Variants in TRPM4 observed in about 807,000 individuals in gnomAD.
TRPM4 encodes calcium-activated non-selective cation channel 1.
Under a neutral mutation model 135.6 loss-of-function variants are expected in TRPM4, and 124 were observed. The ratio of observed to expected loss-of-function variants is 0.91; its 90% confidence interval spans 0.79 to 1.06. TRPM4 has a LOEUF of 1.06. Among genes scored for constraint, TRPM4 ranks in the 50% least tolerant of loss-of-function variants. The pLI is 0.00. For missense variants in TRPM4, 1,658 were observed against 1,671.4 expected, an observed-to-expected ratio of 0.99 and a Z score of 0.14; for synonymous variants, 745 against 705.6, an observed-to-expected ratio of 1.06 and a Z score of -0.88.
chr19:49,199,348 T>C (rs1968826987), intron 17 of TRPM4, among the ~76,000 whole-genome samples: 1 of 152,064 alleles, frequency 6.6e-6, no homozygotes, highest in East Asian at 1.9e-4. Context: ...AACCTCCGCC[T>C]CCCGGGTTCA....
At chr19:49,182,290 A>G (rs1369720960) in intron 10 of TRPM4, among the ~76,000 whole-genome samples, 2 of 145,076 alleles carry the variant, frequency 1.4e-5, no homozygotes, top group Non-Finnish European at 3.0e-5. Flanking sequence ...CCATCTACCT[A>G]TCCGTTCATC....
intron 2 of TRPM4, among the ~76,000 whole-genome samples, chr19:49,161,885 C>T (rs1966981161): frequency 1.3e-5 from 2 of 152,196 alleles, no homozygotes; most frequent in Non-Finnish European, 2.9e-5. Flanking sequence ...CCACCTGGGC[C>T]TCCCAACGTG....
At position 49,210,703 on chromosome 19, in the gene TRPM4, C is replaced by G; in HGVS notation, c.3329-7C>G. 3 of 1,614,092 alleles carry G rather than the reference C, an allele frequency of 1.9e-6. No individual in the cohort carries two copies. Among genetic ancestry groups the G allele is most frequent in the Non-Finnish European group, 2.5e-6 (3 of 1,180,030 alleles). ...CCTGAGCCCTTTGACTCCGCCCGCC[C>G]CTGCAGGGGTTTACCTTTCTAAGGA... On this transcript the variant is annotated splice_polypyrimidine_tract_variant and splice_region_variant and intron_variant, in intron 21 of 24. Coordinates refer to ENST00000252826, the MANE Select transcript of TRPM4 (RefSeq NM_017636.4). This position sits in a 1 kb window ranked among gnomAD's most constrained non-coding sequence, Gnocchi z 4.1.
chr19:49,169,705 C>G (rs1451962244), intron 6 of TRPM4, among the ~76,000 whole-genome samples: 1 of 152,028 alleles, frequency 6.6e-6, no homozygotes, highest in Non-Finnish European at 1.5e-5. Context: ...ACGTGAGCCA[C>G]TGCACCTGGC....
chr19:49,198,657 A>G (rs1394381483), intron 17 of TRPM4, among the ~76,000 whole-genome samples: 1 of 151,844 alleles, frequency 6.6e-6, no homozygotes, highest in Non-Finnish European at 1.5e-5. Flanking sequence ...AAAAAAAAAA[A>G]AAAAAAAAAA....
chr19:49,166,738 C>G (rs529148598), intron 3 of TRPM4, among the ~76,000 whole-genome samples: 33 of 150,654 alleles, frequency 2.2e-4, no homozygotes, highest in Non-Finnish European at 4.1e-4. Context: ...CTGTCCCCGT[C>G]TCTCTGGGTC....
rs146564314 is a variant in TRPM4, at chr19:49,168,695, G to T, written c.755G>T (p.Arg252Leu). 1.2e-6 allele frequency: 2 copies of T among 1,608,492 alleles called. No homozygotes were observed. Among genetic ancestry groups the T allele is most frequent in the Non-Finnish European group, 1.7e-6 (2 of 1,178,050 alleles). The change falls in exon 6 of 25, where the codon CGC becomes CTC. Residue 252 changes from arginine to leucine, a missense_variant. Physicochemically the swap from Arg to Leu is moderately radical, Grantham distance 102. This residue lies in a region of TRPM4 where 1,412 missense variants were observed against 1,408.7 expected (regional missense o/e 1.00). Transcript: ENST00000252826. The part of the protein sequence containing the change: ...CLGGENRFRL[R>L]LESYISQQKT... ...GGGGGCGAGAACCGCTTCCGCTTGC[G>T]CCTGGAGTCCTACATCTCACAGCAG... is the stretch of plus-strand genomic sequence containing the variant.
chr19:49,202,881 C>CTTTTTTTTTT (rs752188238), intron 20 of TRPM4, among the ~76,000 whole-genome samples: 1 of 109,646 alleles, frequency 9.1e-6, no homozygotes, highest in East Asian at 2.6e-4. Context: ...ATTTTTACTT[C>CTTTTTTTTTT]TTTTTTTTTT....
At chr19:49,192,251 T>C (rs547832585) in intron 16 of TRPM4, among the ~76,000 whole-genome samples, 288 of 152,258 alleles carry the variant, frequency 1.9e-3, no homozygotes, top group African/African-American at 6.6e-3. Flanking sequence ...CAAGCGATTC[T>C]CCTGCCTCAG....
rs544387196 is a variant in TRPM4, at chr19:49,193,080, G to GGT, written c.2210+2307_2210+2308insGT. The stretch of plus-strand genomic sequence containing the variant: ...GCTCAATTCTTTTGAAAATCAGTTG[G>GGT]TTTTTTTTTTTTTTTTTTGAGATGG... On this transcript the variant is annotated intron_variant, in intron 16 of 24. Coordinates refer to ENST00000252826, the MANE Select transcript of TRPM4 (RefSeq NM_017636.4). Among the ~76,000 whole-genome samples the GGT allele has an allele frequency of 2.0e-3, 266 of 132,792 alleles. 2 individuals carry two copies. The highest frequency in any genetic ancestry group is 6.7e-3 in the African/African-American group (241 of 35,952). 87.1% of individuals were successfully genotyped at this position (132,792 alleles called of 152,430 possible).
chr19:49,204,723 TTTTA>T (rs1198644987), intron 20 of TRPM4, among the ~76,000 whole-genome samples: 1 of 151,580 alleles, frequency 6.6e-6, no homozygotes, highest in Non-Finnish European at 1.5e-5. Flanking sequence ...TTTACTTTTA[TTTTA>T]TTTATTTATT....
chr19:49,211,478 T>C lies in TRPM4; in HGVS notation c.3641-16T>C, dbSNP rs1969368830. ...CCCTGCCAATCACCTGCTCTCTCTT[T>C]TCTCTCTTCCCCCAGACTGAGCCCT... On this transcript the variant is annotated splice_polypyrimidine_tract_variant and intron_variant, in intron 24 of 24. Transcript: ENST00000252826. The surrounding 1 kb of genome is among the most constrained non-coding windows in gnomAD (Gnocchi z 4.8). The C allele has an allele frequency of 3.1e-6, 5 of 1,614,040 alleles. No individual in the cohort carries two copies. In the East Asian group the frequency reaches 8.9e-5, roughly 29 times the overall value.
intron 20 of TRPM4, among the ~76,000 whole-genome samples, chr19:49,205,144 C>T (rs1045802086): frequency 2.6e-5 from 4 of 151,904 alleles, no homozygotes; most frequent in Middle Eastern, 3.4e-3. Context: ...TTCCTAGGGC[C>T]GCCAGAGTAC....
chr19:49,196,171 A>T (rs1377929068), intron 16 of TRPM4, among the ~76,000 whole-genome samples: 1 of 151,482 alleles, frequency 6.6e-6, no homozygotes, highest in African/African-American at 2.4e-5. Flanking sequence ...GTATATTTTT[A>T]AAATATTTTT....
rs1968900598 is a variant in TRPM4 at position 49,200,792 on chromosome 19, G to A, written c.2953+7G>A. On this transcript the variant is annotated splice_region_variant and intron_variant, in intron 19 of 24. Transcript: ENST00000252826. ...CCCCAGGAGGACATGGACGGTAGGG[G>A]GGATGACGGCCTGACAGCCTTCCTC... 3 of 1,613,654 alleles carry A rather than the reference G, an allele frequency of 1.9e-6. No homozygotes were observed. Among genetic ancestry groups the A allele is most frequent in the Middle Eastern group, 3.4e-4 (2 of 5,946 alleles).
chr19:49,166,290 C>A (rs1487449453), intron 3 of TRPM4, 75 bp downstream of exon 3: 3 of 1,462,898 alleles, frequency 2.1e-6, no homozygotes, highest in Non-Finnish European at 2.8e-6. Context: ...GGAGCCGGGA[C>A]GCCCGCCCTG....
chr19:49,195,061 C>G (rs932554559), intron 16 of TRPM4, among the ~76,000 whole-genome samples: 2 of 151,592 alleles, frequency 1.3e-5, no homozygotes, highest in Non-Finnish European at 2.9e-5. Flanking sequence ...CACGCCCAGC[C>G]TCACTTTTTT....
intron 2 of TRPM4, among the ~76,000 whole-genome samples, chr19:49,161,058 G>T (rs1182722364): frequency 1.3e-5 from 2 of 152,028 alleles, no homozygotes; most frequent in African/African-American, 4.8e-5. Context: ...TGCAATGTGG[G>T]AATCTGTGCA....
chr19:49,197,344 CTTTCTTTCTTTCTTTCTT>C lies in TRPM4; in HGVS notation c.2645+472_2645+489del, dbSNP rs1158937194. Among the ~76,000 whole-genome samples the C allele has an allele frequency of 3.1e-3, 361 of 116,676 alleles. 3 individuals are homozygous for C. The highest frequency in any genetic ancestry group is 0.015 in the African/African-American group (337 of 22,696). 76.5% of individuals were successfully genotyped at this position (116,676 alleles called of 152,430 possible). A position where few individuals can be genotyped will look rare whatever the true frequency, so the allele number is the denominator to read the frequency against. On this transcript the variant is annotated intron_variant, in intron 17 of 24. Transcript: ENST00000252826. ...TCTTTCTTTCTTTCTTTCTTTCTTTCTTTCTTTCTTTCTTTCTTTCTCTCTCTTTCTTTTCTTTCTTTC... is the reference window on the plus strand; with the variant it reads ...TCTTTCTTTCTTTCTTTCTTTCTTTCTCTCTCTCTTTCTTTTCTTTCTTTC...
Sources: gnomAD v4.1 joint callset for allele counts (sites outside exome capture counted in the v4.1 genomes callset) on GRCh38, gnomAD v4.1.1 for gene constraint, gnomAD v4.1.1 regional missense constraint, Gnocchi (gnomAD v3.1) non-coding constraint, MANE v1.5 for transcripts, NCBI Gene and HGNC (gene_info 2026-07-23, HGNC 2026-07-21) for gene names.